The following ITFG1 variants were observed in gnomAD, a reference collection of about 807,000 sequenced individuals.
ITFG1 encodes integrin alpha FG-GAP repeat containing 1.
Under a neutral mutation model 81.8 loss-of-function variants are expected in ITFG1, and 34 were observed. The observed-to-expected ratio is 0.42, with a 90% CI of 0.32 to 0.55. The LOEUF (loss-of-function observed/expected upper bound fraction) is 0.55, where lower values mean the gene tolerates loss of function less well. Ranked by LOEUF, ITFG1 falls within the 20% of genes least tolerant of loss-of-function variation. The pLI is 0.17. For synonymous variants in ITFG1, 285 were observed against 270.6 expected (o/e 1.05, Z -0.52); for missense variants, 672 against 755.4 (o/e 0.89, Z 1.29).
At chr16:47,457,842 TCA>T (rs1468002658) in intron 2 of ITFG1, among the ~76,000 whole-genome samples, 6 of 152,278 alleles carry the variant, frequency 3.9e-5, no homozygotes, top group African/African-American at 1.4e-4. Context: ...ACACTCAACT[TCA>T]GTTTCTTCCC....
chr16:47,224,742 G>A (rs1965737442), intron 13 of ITFG1, among the ~76,000 whole-genome samples: 1 of 152,194 alleles, frequency 6.6e-6, no homozygotes, highest in African/African-American at 2.4e-5. Context: ...CTTCAAGGAA[G>A]CACAGATGTT....
intron 14 of ITFG1, among the ~76,000 whole-genome samples, chr16:47,173,545 CATAA>C (rs950023015): frequency 6.6e-6 from 1 of 152,130 alleles, no homozygotes; most frequent in African/African-American, 2.4e-5. Context: ...ATTTATACCA[CATAA>C]ATGTTAGCAC....
chr16:47,183,715 T>C (rs1293876700), intron 14 of ITFG1, among the ~76,000 whole-genome samples: 1 of 152,146 alleles, frequency 6.6e-6, no homozygotes, highest in Admixed American at 6.5e-5. Flanking sequence ...CTGGAAACTC[T>C]AAAAAGCAGA....
chr16:47,221,833 A>T (rs992513278), intron 13 of ITFG1, among the ~76,000 whole-genome samples: 13 of 152,136 alleles, frequency 8.5e-5, no homozygotes, highest in Non-Finnish European at 1.3e-4. Context: ...GTGTCGAGAA[A>T]TTTATCCATT....
chr16:47,421,433 T>C (rs1035378281), intron 6 of ITFG1, among the ~76,000 whole-genome samples: 2 of 151,934 alleles, frequency 1.3e-5, no homozygotes, highest in Non-Finnish European at 2.9e-5. Flanking sequence ...GGCTCCTGAG[T>C]AGCTGGGACT....
chr16:47,357,332 C>T (rs1447126904), intron 8 of ITFG1, among the ~76,000 whole-genome samples: 3 of 151,852 alleles, frequency 2.0e-5, no homozygotes, highest in Admixed American at 6.6e-5. Context: ...AAATTAAATG[C>T]GGCTGGGCGC....
intron 6 of ITFG1, among the ~76,000 whole-genome samples, chr16:47,413,914 G>A (rs942000371): frequency 2.0e-5 from 3 of 151,916 alleles, no homozygotes; most frequent in South Asian, 2.1e-4. Flanking sequence ...TCTGCCTCCC[G>A]GGTTCAAGTG....
chr16:47,346,154 T>C (rs1967852358), intron 8 of ITFG1, among the ~76,000 whole-genome samples: 1 of 152,106 alleles, frequency 6.6e-6, no homozygotes, highest in Non-Finnish European at 1.5e-5. Flanking sequence ...ACAGAATGAG[T>C]TTGGAAGAAT....
chr16:47,319,610 ATTG>A (rs1259054393), intron 8 of ITFG1, among the ~76,000 whole-genome samples: 1 of 151,998 alleles, frequency 6.6e-6, no homozygotes, highest in East Asian at 1.9e-4. Context: ...TACTAAAATT[ATTG>A]TTTTTTTTGC....
intron 6 of ITFG1, among the ~76,000 whole-genome samples, chr16:47,425,324 G>A (rs934100515): frequency 2.0e-5 from 3 of 152,188 alleles, no homozygotes; most frequent in Non-Finnish European, 4.4e-5. Flanking sequence ...AGTCAGGAGT[G>A]TACTGTTTCT....
chr16:47,294,650 T>A lies in ITFG1; in HGVS notation c.1070+16590A>T, dbSNP rs191902836. On this transcript the variant is annotated intron_variant, in intron 10 of 17. Coordinates refer to ENST00000320640, the MANE Select transcript of ITFG1 (RefSeq NM_030790.5). Reference sequence around the variant, plus strand: ...TAAATGAAACTGCCTTCTTGATTTGTTTTTCAGCTTGATTTGTATTGGTGT... The same window carrying A: ...TAAATGAAACTGCCTTCTTGATTTGATTTTCAGCTTGATTTGTATTGGTGT... Among the ~76,000 whole-genome samples the A allele has an allele frequency of 5.6e-4, 86 of 152,244 alleles. 1 individual carries two copies. Among genetic ancestry groups the A allele is most frequent in the Non-Finnish European group, 9.9e-4 (67 of 67,984 alleles).
chr16:47,362,513 T>C (rs1968122324), intron 8 of ITFG1, among the ~76,000 whole-genome samples: 1 of 152,248 alleles, frequency 6.6e-6, no homozygotes. Flanking sequence ...CATCTGTTAT[T>C]CATTTGGTAA....
intron 17 of ITFG1, among the ~76,000 whole-genome samples, chr16:47,158,341 C>T (rs1344942622): frequency 6.6e-6 from 1 of 152,118 alleles, no homozygotes; most frequent in Non-Finnish European, 1.5e-5. Context: ...GCAATCTGTC[C>T]ACCTTGGCCT....
intron 14 of ITFG1, among the ~76,000 whole-genome samples, chr16:47,201,649 G>A (rs1054817789): frequency 4.6e-5 from 7 of 152,156 alleles, no homozygotes; most frequent in African/African-American, 1.7e-4. Context: ...GATGAATTGA[G>A]GACCCATGAA....
intron 5 of ITFG1, among the ~76,000 whole-genome samples, chr16:47,433,649 G>T (rs1162906956): frequency 1.3e-5 from 2 of 151,516 alleles, no homozygotes; most frequent in African/African-American, 4.8e-5. Flanking sequence ...GGCAGCAGCT[G>T]ATCCTTAAGA....
chr16:47,160,792 A>T (rs540174235), intron 16 of ITFG1, among the ~76,000 whole-genome samples: 2 of 152,184 alleles, frequency 1.3e-5, no homozygotes, highest in Non-Finnish European at 2.9e-5. Context: ...GCCAATTTTC[A>T]TGGAGTAGAT....
rs539802992 is a variant in ITFG1, at chr16:47,345,810, T to C, written c.802+19978A>G. Among the ~76,000 whole-genome samples, 48 of 152,340 alleles carry C rather than the reference T, an allele frequency of 3.2e-4. 2 individuals carry two copies. In the South Asian group the frequency reaches 9.7e-3, roughly 31 times the overall value. ...CTATAATTTCATGGGACTACCATTG[T>C]ATATGCGGTCCGTGGTTGACCAAAA... On this transcript the variant is annotated intron_variant, in intron 8 of 17. Coordinates refer to ENST00000320640, the MANE Select transcript of ITFG1 (RefSeq NM_030790.5).
At chr16:47,379,053 C>T (rs1041805213) in intron 6 of ITFG1, among the ~76,000 whole-genome samples, 1 of 152,142 alleles carries the variant, frequency 6.6e-6, no homozygotes, top group Non-Finnish European at 1.5e-5. Context: ...TTTGGAACAA[C>T]TTCGGCTGAA....
intron 5 of ITFG1, among the ~76,000 whole-genome samples, chr16:47,436,742 T>C (rs1969172003): frequency 6.6e-6 from 1 of 152,174 alleles, no homozygotes; most frequent in Non-Finnish European, 1.5e-5. Context: ...CAAAAATAAC[T>C]TTCAGTGCTC....
Sources: allele counts gnomAD v4.1 joint callset (sites outside exome capture counted in the v4.1 genomes callset), GRCh38; gene constraint gnomAD v4.1.1; transcripts MANE v1.5; gene names NCBI Gene and HGNC (gene_info 2026-07-23, HGNC 2026-07-21).